The following SGCZ variants were observed in gnomAD, a reference collection of about 807,000 sequenced individuals.
SGCZ encodes the protein zeta-sarcoglycan.
In SGCZ, 40 loss-of-function variants were observed where a neutral mutation model predicts 41.3. The ratio of observed to expected loss-of-function variants is 0.97; its 90% confidence interval spans 0.75 to 1.26. The LOEUF is 1.26. Among genes scored for constraint, SGCZ ranks in the 50% most tolerant of loss-of-function variants. SGCZ has a pLI of 0.00. For synonymous variants in SGCZ, 206 were observed against 137.5 expected, an observed-to-expected ratio of 1.50 and a Z score of -3.49; for missense variants, 552 against 369.8, an observed-to-expected ratio of 1.49 and a Z score of -4.04.
chr8:14,292,829 T>G (rs1174216027), intron 3 of SGCZ, among the ~76,000 whole-genome samples: 1 of 143,108 alleles, frequency 7.0e-6, no homozygotes, highest in Non-Finnish European at 1.5e-5. Flanking sequence ...AAACAATGCA[T>G]TATGTTACAT....
At chr8:14,539,534 ATTTTTTGCT>A (rs1318478639) in intron 2 of SGCZ, among the ~76,000 whole-genome samples, 1 of 151,458 alleles carries the variant, frequency 6.6e-6, no homozygotes, top group Non-Finnish European at 1.5e-5. Flanking sequence ...TTCGTTTTTC[ATTTTTTGCT>A]TTTTTTTAAA....
intron 3 of SGCZ, among the ~76,000 whole-genome samples, chr8:14,261,924 A>G (rs1358066148): frequency 1.3e-5 from 2 of 152,176 alleles, no homozygotes; most frequent in African/African-American, 4.8e-5. Flanking sequence ...TTTCAAGGTA[A>G]AATTATTCCT....
intron 1 of SGCZ, among the ~76,000 whole-genome samples, chr8:14,977,200 C>T (rs958403998): frequency 4.6e-5 from 7 of 152,032 alleles, no homozygotes; most frequent in East Asian, 3.9e-4. Flanking sequence ...TGAGGGAAGG[C>T]GCTATGTCTT....
intron 1 of SGCZ, among the ~76,000 whole-genome samples, chr8:14,952,613 G>C (rs191533521): frequency 2.0e-5 from 3 of 152,276 alleles, no homozygotes; most frequent in Admixed American, 2.0e-4. Flanking sequence ...ATGCTTGTTA[G>C]TAGAACTATG....
chr8:15,205,988 G>C (rs1009595508), intron 1 of SGCZ, among the ~76,000 whole-genome samples: 6 of 152,132 alleles, frequency 3.9e-5, no homozygotes, highest in African/African-American at 1.4e-4. Flanking sequence ...TACATGAATG[G>C]AAAACCAAAT....
chr8:14,291,337 G>T (rs1256786108), intron 3 of SGCZ, among the ~76,000 whole-genome samples: 2 of 139,348 alleles, frequency 1.4e-5, no homozygotes, highest in Non-Finnish European at 3.2e-5. Context: ...AAATTTTTAA[G>T]GTGATAGATA....
chr8:14,944,768 T>A (rs1800386473), intron 1 of SGCZ, among the ~76,000 whole-genome samples: 1 of 152,154 alleles, frequency 6.6e-6, no homozygotes, highest in Non-Finnish European at 1.5e-5. Context: ...CAACTTAAGA[T>A]GGGTTTATTG....
chr8:14,640,999 G>C (rs1269408712), intron 1 of SGCZ, among the ~76,000 whole-genome samples: 1 of 151,628 alleles, frequency 6.6e-6, no homozygotes, highest in African/African-American at 2.4e-5. Context: ...TATCAATTCA[G>C]AAAGATGGTA....
chr8:14,337,137 TCC>T (rs1802531735), intron 2 of SGCZ, among the ~76,000 whole-genome samples: 1 of 152,064 alleles, frequency 6.6e-6, no homozygotes, highest in Non-Finnish European at 1.5e-5. Flanking sequence ...AGGCCACCCC[TCC>T]CAATATATGG....
chr8:14,951,618 AT>A (rs1800639817), intron 1 of SGCZ, among the ~76,000 whole-genome samples: 1 of 152,054 alleles, frequency 6.6e-6, no homozygotes, highest in Admixed American at 6.6e-5. Context: ...TCAAAAACTA[AT>A]TAATTACCAG....
At chr8:14,927,917 A>G (rs1303507899) in intron 1 of SGCZ, among the ~76,000 whole-genome samples, 2 of 152,156 alleles carry the variant, frequency 1.3e-5, no homozygotes. Flanking sequence ...CTTCATTAGT[A>G]CCATATTTGA....
At chr8:14,468,295 G>C (rs779332051) in intron 2 of SGCZ, among the ~76,000 whole-genome samples, 12 of 151,872 alleles carry the variant, frequency 7.9e-5, no homozygotes, top group Non-Finnish European at 1.8e-4. Flanking sequence ...AAATAAATTA[G>C]AACAAAAACC....
intron 1 of SGCZ, among the ~76,000 whole-genome samples, chr8:14,787,957 T>G (rs1800824926): frequency 6.6e-6 from 1 of 152,168 alleles, no homozygotes; most frequent in Non-Finnish European, 1.5e-5. Context: ...TAGTTGCCAT[T>G]TAGTTAAAAT....
intron 3 of SGCZ, among the ~76,000 whole-genome samples, chr8:14,240,663 A>G (rs1186380786): frequency 6.6e-6 from 1 of 152,188 alleles, no homozygotes; most frequent in Non-Finnish European, 1.5e-5. Context: ...TATTTATTAT[A>G]ATGTGATCAA....
intron 5 of SGCZ, 45 bp from the exon 6 acceptor site, chr8:14,108,280 C>T: frequency 6.5e-7 from 1 of 1,541,996 alleles, no homozygotes; most frequent in Non-Finnish European, 8.9e-7. Flanking sequence ...CAAGTCCACA[C>T]AGTGGCTTTC....
At chr8:14,236,595 A>C (rs13251264) in intron 4 of SGCZ, among the ~76,000 whole-genome samples, 1 of 151,476 alleles carries the variant, frequency 6.6e-6, no homozygotes, top group East Asian at 2.0e-4. Context: ...TCATTAAAAT[A>C]AGAATACCTC....
intron 1 of SGCZ, among the ~76,000 whole-genome samples, chr8:14,581,012 C>G (rs1804870470): frequency 6.6e-6 from 1 of 152,224 alleles, no homozygotes; most frequent in Non-Finnish European, 1.5e-5. Context: ...CTGCATTACA[C>G]TGATACAGGT....
intron 1 of SGCZ, among the ~76,000 whole-genome samples, chr8:15,186,396 C>A (rs1254282540): frequency 6.6e-6 from 1 of 151,042 alleles, no homozygotes; most frequent in Non-Finnish European, 1.5e-5. Context: ...AAGTACTTTT[C>A]CTTAAACCAG....
intron 1 of SGCZ, among the ~76,000 whole-genome samples, chr8:15,236,394 C>G (rs943323819): frequency 6.6e-6 from 1 of 151,654 alleles, no homozygotes; most frequent in South Asian, 2.1e-4. Context: ...AACCCATTTC[C>G]TTGACATTTC....
Sources: allele counts gnomAD v4.1 joint callset (sites outside exome capture counted in the v4.1 genomes callset), GRCh38; gene constraint gnomAD v4.1.1; transcripts MANE v1.5; gene names NCBI Gene and HGNC (gene_info 2026-07-23, HGNC 2026-07-21).